The following MICAL3 variants were observed in gnomAD, a reference collection of about 807,000 sequenced individuals.
MICAL3 encodes microtubule associated monooxygenase, calponin and LIM domain containing 3, also known as [F-actin]-monooxygenase MICAL3.
MICAL3 carries 62 observed loss-of-function variants against 207.4 expected under a neutral mutation model. The observed-to-expected ratio is 0.30, with a 90% CI of 0.24 to 0.37. MICAL3 has a LOEUF of 0.37. Ranked by LOEUF, MICAL3 falls within the 10% of genes least tolerant of loss-of-function variation. The pLI, the probability that MICAL3 is intolerant of heterozygous loss-of-function variation, is 1.00. For synonymous variants in MICAL3, 1,077 were observed against 1,069.3 expected (o/e 1.01, Z -0.14); for missense variants, 2,368 against 2,635.6 (o/e 0.90, Z 2.22).
chr22:17,955,308 A>G (rs925851930), intron 1 of MICAL3, among the ~76,000 whole-genome samples: 1 of 152,214 alleles, frequency 6.6e-6, no homozygotes, highest in Non-Finnish European at 1.5e-5. Context: ...GAGACACTGC[A>G]GCCTGTTCCA....
chr22:18,001,805 G>C (rs1431765932), intron 1 of MICAL3, among the ~76,000 whole-genome samples: 1 of 152,252 alleles, frequency 6.6e-6, no homozygotes, highest in Non-Finnish European at 1.5e-5. Context: ...GATTGGTTGG[G>C]AATCTTGGAA....
intron 20 of MICAL3, among the ~76,000 whole-genome samples, chr22:17,835,355 A>G (rs958493645): frequency 5.3e-5 from 8 of 152,246 alleles, no homozygotes; most frequent in African/African-American, 1.9e-4. Flanking sequence ...TGCAGCTCCC[A>G]GACAGGCCAC....
chr22:17,822,940 C>A lies in MICAL3; in HGVS notation c.3307+7G>T, dbSNP rs759695315. The A allele has an allele frequency of 6.3e-7, 1 of 1,582,684 alleles. No individual in the cohort carries two copies. Among genetic ancestry groups the A allele is most frequent in the East Asian group, 2.2e-5 (1 of 44,560 alleles). On this transcript the variant is annotated splice_region_variant and intron_variant, in intron 23 of 31. Transcript: ENST00000441493. ...CCACCACAGGGGCGGGGAGGGCGGACCCCTACCATCATCCAGCTCAGCACC... is the reference window on the plus strand; with the variant it reads ...CCACCACAGGGGCGGGGAGGGCGGAACCCTACCATCATCCAGCTCAGCACC...
intron 16 of MICAL3, chr22:17,881,308 TACACCAACAG>T: frequency 1.2e-6 from 2 of 1,603,020 alleles, no homozygotes; most frequent in South Asian, 1.1e-5. Context: ...CCGTTGCTTT[TACACCAACAG>T]ACACAAACAG....
chr22:17,914,637 GTAAAT>G (rs1453143502), intron 1 of MICAL3, among the ~76,000 whole-genome samples: 1 of 152,146 alleles, frequency 6.6e-6, no homozygotes, highest in Non-Finnish European at 1.5e-5. Flanking sequence ...GCAGTTTCAA[GTAAAT>G]TTAGCAAGGA....
At chr22:17,860,857 T>C (rs1926447279) in intron 19 of MICAL3, 1 of 985,308 alleles carries the variant, frequency 1.0e-6, no homozygotes, top group Non-Finnish European at 1.2e-6. Flanking sequence ...GGCTCCCCAG[T>C]GTGAGGCTCC....
At chr22:17,946,803 G>T (rs1298674183) in intron 1 of MICAL3, among the ~76,000 whole-genome samples, 1 of 152,182 alleles carries the variant, frequency 6.6e-6, no homozygotes, top group Non-Finnish European at 1.5e-5. Flanking sequence ...GGACCTGAGG[G>T]AGTGGTGGGC....
intron 22 of MICAL3, among the ~76,000 whole-genome samples, chr22:17,825,011 G>A (rs1922023585): frequency 6.6e-6 from 1 of 152,198 alleles, no homozygotes; most frequent in African/African-American, 2.4e-5. Flanking sequence ...TGGGTGCCCA[G>A]GGATCAATAT....
intron 1 of MICAL3, among the ~76,000 whole-genome samples, chr22:17,950,976 C>T (rs1934321492): frequency 6.6e-6 from 1 of 152,130 alleles, no homozygotes; most frequent in Non-Finnish European, 1.5e-5. Flanking sequence ...TCAGCCCCAC[C>T]CTGATCCCAC....
Position 17,819,471 on chromosome 22 carries a change from C to T in MICAL3, c.3532-342G>A, listed in dbSNP as rs535804422. Reference sequence around the variant, plus strand: ...TCTCACCCTCCAGGAGGCCCCAGAGCGCCAAGATCCCTGACGTACGTACAG... The same window carrying T: ...TCTCACCCTCCAGGAGGCCCCAGAGTGCCAAGATCCCTGACGTACGTACAG... On this transcript the variant is annotated intron_variant, in intron 25 of 31. Coordinates refer to ENST00000441493, the MANE Select transcript of MICAL3 (RefSeq NM_015241.3). Among the ~76,000 whole-genome samples, 28 of 152,230 alleles carry T rather than the reference C, an allele frequency of 1.8e-4. 1 individual carries two copies. The highest frequency in any genetic ancestry group is 2.1e-4 in the South Asian group (1 of 4,820).
chr22:17,987,264 T>G (rs116167), intron 1 of MICAL3, among the ~76,000 whole-genome samples: 82,710 of 151,908 alleles, frequency 0.54, 22,689 homozygotes, highest in Middle Eastern at 0.66. Context: ...GAAACAAGAA[T>G]AATCATTTTC....
rs770129484 is a variant in MICAL3, at chr22:17,841,859, C to T, written c.2764G>A (p.Val922Met). ...TCCTCCTCGGCGCCCGTGTCCAGCA[C>T]GCTGCTCAGGTTGTGCTCGGCCTGA... ...ETQAEHNLSS[V>M]LDTGAEEDVA... Residue 922 changes from valine to methionine, a missense_variant, in exon 20 of 32, where the codon GTG becomes ATG. By Grantham distance (21) the Val-to-Met change is conservative (BLOSUM62 1). Coordinates refer to ENST00000441493, the MANE Select transcript of MICAL3 (RefSeq NM_015241.3). This position sits in a 1 kb window ranked among gnomAD's most constrained non-coding sequence, Gnocchi z 4.2. The T allele has an allele frequency of 6.4e-6, 10 of 1,567,954 alleles. No individual in the cohort carries two copies. Among genetic ancestry groups the T allele is most frequent in the Middle Eastern group, 1.7e-4 (1 of 5,916 alleles).
At chr22:17,916,787 C>G (rs535334284) in intron 1 of MICAL3, among the ~76,000 whole-genome samples, 2 of 152,228 alleles carry the variant, frequency 1.3e-5, no homozygotes, top group African/African-American at 4.8e-5. Flanking sequence ...AGCCTCTGCA[C>G]GTTGAAATGG....
At chr22:18,017,696 C>G (rs1395936832) in intron 1 of MICAL3, among the ~76,000 whole-genome samples, 2 of 151,930 alleles carry the variant, frequency 1.3e-5, no homozygotes, top group East Asian at 3.9e-4. Flanking sequence ...AGTGATTCTC[C>G]TGCCTCTGCC....
chr22:17,910,769 T>C (rs1039036487), intron 1 of MICAL3, among the ~76,000 whole-genome samples: 5 of 152,238 alleles, frequency 3.3e-5, no homozygotes, highest in African/African-American at 1.2e-4. Flanking sequence ...GGCATTCTCC[T>C]TGGCTCTGAC....
chr22:18,017,912 G>A (rs9605494), intron 1 of MICAL3, among the ~76,000 whole-genome samples: 32,393 of 151,626 alleles, frequency 0.21, 3,919 homozygotes, highest in East Asian at 0.38. Flanking sequence ...CACCACGCCC[G>A]GCTCATTTTT....
intron 19 of MICAL3, chr22:17,862,340 T>C: frequency 1.3e-6 from 1 of 767,466 alleles, no homozygotes; most frequent in Non-Finnish European, 1.6e-6. Context: ...CTGCAACCTC[T>C]GCCTCCTGGG....
chr22:17,877,360 T>G (rs200807622), intron 16 of MICAL3, among the ~76,000 whole-genome samples: 1,694 of 8,926 alleles, frequency 0.19, 3 homozygotes, highest in South Asian at 0.23. Flanking sequence ...AGGGAGGTTA[T>G]GGAGGTTAGG....
chr22:17,887,309 A>C lies in MICAL3; in HGVS notation c.2004+14T>G. The C allele has an allele frequency of 1.2e-6, 2 of 1,611,196 alleles. No individual in the cohort carries two copies. The highest frequency in any genetic ancestry group is 1.7e-6 in the Non-Finnish European group (2 of 1,177,618). The stretch of plus-strand genomic sequence containing the variant: ...CATTAGCTTTGCAGCCCATCAAGAG[A>C]CTCCTCCACATACCTTGGGAGAACG... On this transcript the variant is annotated intron_variant, in intron 14 of 31. Transcript: ENST00000441493.
Sources: allele counts gnomAD v4.1 joint callset (sites outside exome capture counted in the v4.1 genomes callset), GRCh38; gene constraint gnomAD v4.1.1; non-coding constraint Gnocchi (gnomAD v3.1); transcripts MANE v1.5; gene names NCBI Gene and HGNC (gene_info 2026-07-23, HGNC 2026-07-21).